PARP11: variants seen among roughly 807,000 people sequenced by gnomAD.
The protein encoded by PARP11 is poly(ADP-ribose) polymerase family member 11, also known as protein mono-ADP-ribosyltransferase PARP11.
A neutral mutation model predicts 42.9 loss-of-function variants in PARP11; 31 were observed. The ratio of observed to expected loss-of-function variants is 0.72; its 90% CI spans 0.54 to 0.98. The LOEUF is 0.98. Among genes scored for constraint, PARP11 ranks in the 50% least tolerant of loss-of-function variants. The probability of loss-of-function intolerance (pLI) is 0.00; values close to 1 mark genes in which losing one functional copy is unlikely to be tolerated. For missense variants in PARP11, 365 were observed against 413.1 expected, an observed-to-expected ratio of 0.88 and a Z score of 1.01; for synonymous variants, 137 against 127.3, an observed-to-expected ratio of 1.08 and a Z score of -0.51.
intron 1 of PARP11, among the ~76,000 whole-genome samples, chr12:3,839,151 G>A (rs1013930469): frequency 1.3e-5 from 2 of 149,296 alleles, no homozygotes; most frequent in African/African-American, 4.9e-5. Context: ...CCGCTGCCTC[G>A]GGCCGCCGCC....
chr12:3,867,965 G>A (rs376005332), intron 1 of PARP11, among the ~76,000 whole-genome samples: 356 of 152,166 alleles, frequency 2.3e-3, no homozygotes, highest in African/African-American at 7.8e-3. Flanking sequence ...ATCTGACAGC[G>A]CCAGCAAACA....
In PARP11 at chr12:3,822,137, G is replaced by C. The variant is rs780118516; in HGVS notation, c.365C>G (p.Ala122Gly). 1.2e-6 allele frequency: 2 copies of C among 1,613,646 alleles called. No individual in the cohort carries two copies. Among genetic ancestry groups the C allele is most frequent in the Non-Finnish European group, 1.7e-6 (2 of 1,179,646 alleles). Residue 122 changes from alanine to glycine, a missense_variant, in exon 5 of 8, where the codon GCC (alanine) becomes GGC (glycine). Coordinates refer to ENST00000228820, the MANE Select transcript of PARP11 (RefSeq NM_020367.6). ...SAFSYICENE[A>G]IPMPPHWENV... ...CTCCCAGTGTGGTGGCATAGGGATGGCCTCGTTTTCACAGATGTAACTTGA... is the reference window on the plus strand; with the variant it reads ...CTCCCAGTGTGGTGGCATAGGGATGCCCTCGTTTTCACAGATGTAACTTGA...
intron 2 of PARP11, among the ~76,000 whole-genome samples, 184 bp from the exon 3 acceptor site, chr12:3,829,214 G>T (rs1036828539): frequency 6.6e-6 from 1 of 152,192 alleles, no homozygotes; most frequent in African/African-American, 2.4e-5. Context: ...ATGGTTTAAG[G>T]ATCTCCAGTG....
At chr12:3,841,071 T>C in intron 1 of PARP11, 1 of 1,606,622 alleles carries the variant, frequency 6.2e-7, no homozygotes, top group Non-Finnish European at 8.5e-7. Context: ...TATCCCAAAC[T>C]CATTTAACAC....
chr12:3,837,108 G>C (rs563427393), intron 1 of PARP11, among the ~76,000 whole-genome samples: 2 of 152,144 alleles, frequency 1.3e-5, no homozygotes, highest in Non-Finnish European at 2.9e-5. Context: ...CAAAGGAGAC[G>C]ACACCAAATC....
chr12:3,867,138 T>C (rs1327941827), intron 1 of PARP11, among the ~76,000 whole-genome samples: 2 of 152,216 alleles, frequency 1.3e-5, no homozygotes, highest in Non-Finnish European at 2.9e-5. Flanking sequence ...ACATTCAAAA[T>C]TGACAGAGCA....
At chr12:3,864,319 T>C (rs577199372) in intron 1 of PARP11, among the ~76,000 whole-genome samples, 2 of 152,354 alleles carry the variant, frequency 1.3e-5, no homozygotes, top group African/African-American at 4.8e-5. Context: ...TTATATATGT[T>C]AGATTTGAGT....
At chr12:3,827,547 A>G (rs889052786) in intron 3 of PARP11, among the ~76,000 whole-genome samples, 1 of 152,048 alleles carries the variant, frequency 6.6e-6, no homozygotes, top group Non-Finnish European at 1.5e-5. Flanking sequence ...TTCTGCCTAG[A>G]CTGCAACAGA....
At chr12:3,813,439 G>C (rs1236894480) in intron 7 of PARP11, among the ~76,000 whole-genome samples, 1 of 152,120 alleles carries the variant, frequency 6.6e-6, no homozygotes. Context: ...TGAAATGGTA[G>C]ACACAAGAGA....
At chr12:3,822,288 G>A (rs1435487960) in intron 4 of PARP11, 131 bp from the exon 5 acceptor site, 4 of 709,414 alleles carry the variant, frequency 5.6e-6, no homozygotes, top group Admixed American at 2.8e-5. Flanking sequence ...ACAGCCTTCC[G>A]TTTCTTCATT....
rs181104476 is a variant in PARP11, at chr12:3,856,667, T to C, written c.18+16545A>G. Reference sequence around the variant, plus strand: ...GAGAAACAGGAACACTTTTACACTATTGGTGGGAGTGTAAACTAGTTCAAC... The same window carrying C: ...GAGAAACAGGAACACTTTTACACTACTGGTGGGAGTGTAAACTAGTTCAAC... On this transcript the variant is annotated intron_variant, in intron 1 of 7. Transcript: ENST00000228820. Among the ~76,000 whole-genome samples, 456 of 152,294 alleles carry C rather than the reference T, an allele frequency of 3.0e-3. 4 individuals are homozygous for C. The highest frequency in any genetic ancestry group is 0.01 in the African/African-American group (424 of 41,566).
At chr12:3,871,794 G>A (rs573279903) in intron 1 of PARP11, 1 of 152,244 alleles carries the variant, frequency 6.6e-6, no homozygotes, top group South Asian at 2.1e-4. Flanking sequence ...ATACTACCCC[G>A]AAGTATGACA....
chr12:3,865,346 T>C (rs191679847), intron 1 of PARP11, among the ~76,000 whole-genome samples: 2 of 152,268 alleles, frequency 1.3e-5, no homozygotes, highest in Non-Finnish European at 2.9e-5. Context: ...GATGGGTGAA[T>C]TGTTCCATAA....
chr12:3,834,943 C>T (rs1232056128), intron 1 of PARP11, among the ~76,000 whole-genome samples: 2 of 152,144 alleles, frequency 1.3e-5, no homozygotes, highest in Non-Finnish European at 2.9e-5. Flanking sequence ...GTCTGAATCA[C>T]CACCTCTGGC....
chr12:3,854,173 A>G (rs1428555728), intron 1 of PARP11, among the ~76,000 whole-genome samples: 1 of 152,220 alleles, frequency 6.6e-6, no homozygotes, highest in Non-Finnish European at 1.5e-5. Flanking sequence ...AATGCCCACA[A>G]GAGAAAGCAG....
intron 1 of PARP11, among the ~76,000 whole-genome samples, chr12:3,839,223 C>G (rs951142743): frequency 6.2e-4 from 93 of 150,226 alleles, no homozygotes; most frequent in Non-Finnish European, 9.5e-4. Flanking sequence ...CCGCCTACCC[C>G]AGGCCGGGGC....
intron 1 of PARP11, among the ~76,000 whole-genome samples, chr12:3,869,534 G>C (rs1420280578): frequency 2.0e-5 from 3 of 152,104 alleles, no homozygotes; most frequent in African/African-American, 7.2e-5. Context: ...CAAGCACCAA[G>C]CTCCTTTCTT....
chr12:3,869,976 A>G (rs780160279), intron 1 of PARP11, among the ~76,000 whole-genome samples: 4 of 152,190 alleles, frequency 2.6e-5, no homozygotes, highest in Admixed American at 6.5e-5. Context: ...GATATGCTGG[A>G]CAAAGGGATG....
chr12:3,855,961 C>A (rs1291651383), intron 1 of PARP11, among the ~76,000 whole-genome samples: 9 of 152,064 alleles, frequency 5.9e-5, no homozygotes. Context: ...AGAACAGAGG[C>A]CTCAGAAATA....
Sources: allele counts gnomAD v4.1 joint callset (sites outside exome capture counted in the v4.1 genomes callset), GRCh38; gene constraint gnomAD v4.1.1; transcripts MANE v1.5; gene names NCBI Gene and HGNC (gene_info 2026-07-23, HGNC 2026-07-21).